The following BIN3 variants were observed in gnomAD, a reference collection of about 807,000 sequenced individuals.
The protein encoded by BIN3 is bridging integrator 3.
BIN3 carries 41 observed loss-of-function variants against 38.2 expected under a neutral mutation model. That is an observed-to-expected ratio of 1.07 (90% CI 0.84 to 1.39). The LOEUF is 1.39. Among genes scored for constraint, BIN3 ranks in the 40% most tolerant of loss-of-function variants. The probability of loss-of-function intolerance (pLI) is 0.00; values close to 1 mark genes in which losing one functional copy is unlikely to be tolerated. For missense variants in BIN3, 361 were observed against 324.3 expected, an observed-to-expected ratio of 1.11 and a Z score of -0.87; for synonymous variants, 145 against 122.6, an observed-to-expected ratio of 1.18 and a Z score of -1.21.
intron 5 of BIN3, 59 bp downstream of exon 5, chr8:22,630,383 C>T (rs1802153222): frequency 1.9e-6 from 3 of 1,601,488 alleles, no homozygotes; most frequent in Non-Finnish European, 2.6e-6. Context: ...CACAGTCCAC[C>T]CAGAGGCCCA....
At chr8:22,666,620 G>C (rs574119840) in intron 1 of BIN3, among the ~76,000 whole-genome samples, 37 of 152,256 alleles carry the variant, frequency 2.4e-4, no homozygotes, top group African/African-American at 7.9e-4. Context: ...AACAAACAGG[G>C]GGTGGGCGGG....
chr8:22,649,859 C>CATACA lies in BIN3; in HGVS notation c.9-5057_9-5056insTGTAT. Reference sequence around the variant, plus strand: ...CACACACACACACACACACACACACCCCCAAAGGAAAAAATTAACAGTAAT... The same window carrying CATACA: ...CACACACACACACACACACACACACCATACACCCAAAGGAAAAAATTAACAGTAAT... On this transcript the variant is annotated intron_variant, in intron 1 of 8. Coordinates refer to ENST00000276416, the MANE Select transcript of BIN3 (RefSeq NM_018688.6). Among the ~76,000 whole-genome samples the CATACA allele has an allele frequency of 2.2e-5, 3 of 133,652 alleles. No individual in the cohort carries two copies. In the East Asian group the frequency reaches 6.1e-4, roughly 27 times the overall value. 87.7% of individuals were successfully genotyped at this position (133,652 alleles called of 152,430 possible).
rs1019350126 is a variant in BIN3, at chr8:22,625,329, T to A, written c.339-966A>T. 7.4e-5 allele frequency: 52 copies of A among 702,388 alleles called. No homozygotes were observed. The African/African-American group carries it at 9.1e-4, about 12-fold the overall frequency. The allele number at this position is 702,388 out of a possible 1,614,324, so 43.5% of individuals were successfully genotyped here. On this transcript the variant is annotated intron_variant, in intron 6 of 8. Coordinates refer to ENST00000276416, the MANE Select transcript of BIN3 (RefSeq NM_018688.6). The stretch of plus-strand genomic sequence containing the variant: ...CCAGGCAAGCCAGAGCCCTGCAGTG[T>A]CCAGGATCAGGCTGCGCAGCCCAGG...
intron 1 of BIN3, among the ~76,000 whole-genome samples, chr8:22,653,993 T>C (rs1455943619): frequency 6.6e-6 from 1 of 152,146 alleles, no homozygotes; most frequent in Non-Finnish European, 1.5e-5. Flanking sequence ...CTCTAAACTA[T>C]TCATAGTTTT....
intron 1 of BIN3, among the ~76,000 whole-genome samples, chr8:22,650,813 TAAAC>T (rs535102081): frequency 3.1e-4 from 47 of 152,352 alleles, no homozygotes; most frequent in African/African-American, 1.0e-3. Context: ...GATTTAAAAT[TAAAC>T]AAACAAAATA....
intron 2 of BIN3, among the ~76,000 whole-genome samples, chr8:22,638,746 T>G (rs1802448306): frequency 1.3e-5 from 2 of 152,214 alleles, no homozygotes; most frequent in Non-Finnish European, 2.9e-5. Context: ...TTTCCTTACT[T>G]TATGATCCTA....
Position 22,644,806 on chromosome 8 carries a change from A to C in BIN3, c.9-3T>G, listed in dbSNP as rs374137139. 5.0e-6 allele frequency: 8 copies of C among 1,609,148 alleles called. No homozygotes were observed. Among genetic ancestry groups the C allele is most frequent in the Non-Finnish European group, 6.8e-6 (8 of 1,177,268 alleles). Reference sequence around the variant, plus strand: ...GCTGCCCAATCTTAAAAGGAATCCTATAAGAGAAAGAGACAAAGAGAGATA... The same window carrying C: ...GCTGCCCAATCTTAAAAGGAATCCTCTAAGAGAAAGAGACAAAGAGAGATA... On this transcript the variant is annotated splice_region_variant and splice_polypyrimidine_tract_variant and intron_variant, in intron 1 of 8. Transcript: ENST00000276416.
At chr8:22,642,456 C>A (rs1044700461) in intron 2 of BIN3, among the ~76,000 whole-genome samples, 2 of 152,218 alleles carry the variant, frequency 1.3e-5, no homozygotes, top group Admixed American at 1.3e-4. Context: ...CGAGCTGTAG[C>A]TCAGCTGTGA....
At chr8:22,668,966 G>C in intron 1 of BIN3, 78 bp downstream of exon 1, 1 of 1,538,568 alleles carries the variant, frequency 6.5e-7, no homozygotes, top group Non-Finnish European at 8.8e-7. Flanking sequence ...GAGGGAGCCG[G>C]GACGCGGCAC....
At position 22,645,298 on chromosome 8, in the gene BIN3, C is replaced by CA. The variant is rs113918512; in HGVS notation, c.9-496dup. Among the ~76,000 whole-genome samples, 1,312 of 144,266 alleles carry CA rather than the reference C, an allele frequency of 9.1e-3. 12 individuals carry two copies. The highest frequency in any genetic ancestry group is 9.2e-3 in the Non-Finnish European group (599 of 65,274). The allele number at this position is 144,266 out of a possible 152,430, so 94.6% of individuals were successfully genotyped here. A position where few individuals can be genotyped will look rare whatever the true frequency, so the allele number is the denominator to read the frequency against. On this transcript the variant is annotated intron_variant, in intron 1 of 8. Coordinates refer to ENST00000276416, the MANE Select transcript of BIN3 (RefSeq NM_018688.6). ...TGGGCAATATAGCAAGATCCTATCT[C>CA]AAAAAAAAAAACACAAAAAAACAAC... is the stretch of plus-strand genomic sequence containing the variant.
At chr8:22,641,002 G>C (rs527330235) in intron 2 of BIN3, among the ~76,000 whole-genome samples, 12 of 152,160 alleles carry the variant, frequency 7.9e-5, no homozygotes, top group Non-Finnish European at 1.5e-4. Context: ...TCACTGGTCC[G>C]AGAGTTCTCT....
intron 5 of BIN3, 116 bp from the exon 6 acceptor site, chr8:22,630,120 C>G: frequency 8.4e-7 from 1 of 1,183,580 alleles, no homozygotes; most frequent in Non-Finnish European, 1.2e-6. Context: ...GGGTGCTGTC[C>G]TTGTCCTGGG....
In BIN3 at chr8:22,620,721, A is replaced by G. The variant is rs191915912; in HGVS notation, c.*701T>C. The G allele has an allele frequency of 6.6e-6, 1 of 152,350 alleles. No homozygotes were observed. The highest frequency in any genetic ancestry group is 1.9e-4 in the East Asian group (1 of 5,176). The allele number at this position is 152,350 out of a possible 1,614,324, so 9.4% of individuals were successfully genotyped here. ...CAGCACAATACTATGTGGACGTTTCATTGAAAATTTTACTTGAAAAAATAA... is the reference window on the plus strand; with the variant it reads ...CAGCACAATACTATGTGGACGTTTCGTTGAAAATTTTACTTGAAAAAATAA... On this transcript the variant is annotated 3_prime_UTR_variant, in exon 9 of 9. Coordinates refer to ENST00000276416, the MANE Select transcript of BIN3 (RefSeq NM_018688.6).
chr8:22,640,394 G>T (rs1802509962), intron 2 of BIN3, among the ~76,000 whole-genome samples: 2 of 145,590 alleles, frequency 1.4e-5, no homozygotes, highest in Admixed American at 6.9e-5. Context: ...TCACCATGTT[G>T]CCTGGGCTGG....
chr8:22,632,338 A>G (rs1802230011), intron 4 of BIN3, among the ~76,000 whole-genome samples: 1 of 152,206 alleles, frequency 6.6e-6, no homozygotes, highest in Non-Finnish European at 1.5e-5. Flanking sequence ...AGCAGCGCTG[A>G]GCGGACTAGC....
rs77451021 is a variant in BIN3 at position 22,620,976 on chromosome 8, G to T, written c.*446C>A. 89 of 157,592 alleles carry T rather than the reference G, an allele frequency of 5.6e-4. No homozygotes were observed. Among genetic ancestry groups the T allele is most frequent in the African/African-American group, 2.1e-3 (87 of 41,658 alleles). The allele number at this position is 157,592 out of a possible 1,614,324, so 9.8% of individuals were successfully genotyped here. A position where few individuals can be genotyped will look rare whatever the true frequency, so the allele number is the denominator to read the frequency against. On this transcript the variant is annotated 3_prime_UTR_variant, in exon 9 of 9. Transcript: ENST00000276416. ...GACCAGCTCTCCCGCACAGGGTTCAGGGCCTCTCCCAGAAAAAAGAGGTTT... is the reference window on the plus strand; with the variant it reads ...GACCAGCTCTCCCGCACAGGGTTCATGGCCTCTCCCAGAAAAAAGAGGTTT...
chr8:22,629,429 T>C (rs1280585552), intron 6 of BIN3, among the ~76,000 whole-genome samples: 2 of 152,186 alleles, frequency 1.3e-5, no homozygotes, highest in East Asian at 1.9e-4. Flanking sequence ...CAACAGAAGA[T>C]GAGCCTCATA....
At chr8:22,656,473 G>C (rs1258288961) in intron 1 of BIN3, among the ~76,000 whole-genome samples, 3 of 152,068 alleles carry the variant, frequency 2.0e-5, no homozygotes, top group Non-Finnish European at 2.9e-5. Context: ...TGGAAAAGAA[G>C]AAAAATAACT....
chr8:22,646,924 T>C lies in BIN3; in HGVS notation c.9-2121A>G, dbSNP rs58022632. Among the ~76,000 whole-genome samples the C allele has an allele frequency of 2.3e-3, 355 of 152,190 alleles. 7 individuals are homozygous for C. The East Asian group carries it at 0.062, about 27-fold the overall frequency. On this transcript the variant is annotated intron_variant, in intron 1 of 8. Coordinates refer to ENST00000276416, the MANE Select transcript of BIN3 (RefSeq NM_018688.6). ...GGTGGCAAGGACCACTCTGGAGACA[T>C]TGCAAATGAGGTCCCAGTGGCATTG...
Sources: gnomAD v4.1 joint callset for allele counts (sites outside exome capture counted in the v4.1 genomes callset) on GRCh38, gnomAD v4.1.1 for gene constraint, MANE v1.5 for transcripts, NCBI Gene and HGNC (gene_info 2026-07-23, HGNC 2026-07-21) for gene names.